Variants in LRRC3B observed in about 807,000 individuals in gnomAD.
The protein encoded by LRRC3B is leucine rich repeat containing 3B, also known as leucine-rich repeat-containing protein 3B.
LRRC3B carries 2 observed loss-of-function variants against 12.8 expected under a neutral mutation model. The ratio of observed to expected loss-of-function variants is 0.16; its 90% CI spans 0.06 to 0.49. LRRC3B has a LOEUF of 0.49. Ranked by LOEUF, LRRC3B falls within the 20% of genes least tolerant of loss-of-function variation. The pLI is 0.96. For missense variants in LRRC3B, 189 were observed against 319.4 expected, an observed-to-expected ratio of 0.59 and a Z score of 3.11; for synonymous variants, 132 against 122.0, an observed-to-expected ratio of 1.08 and a Z score of -0.54.
chr3:26,681,242 G>A (rs1559365081), intron 1 of LRRC3B, among the ~76,000 whole-genome samples: 1 of 152,140 alleles, frequency 6.6e-6, no homozygotes, highest in Non-Finnish European at 1.5e-5. Flanking sequence ...TTGTATTAAT[G>A]AACATAATTA....
chr3:26,657,813 A>G (rs961636038), intron 1 of LRRC3B, among the ~76,000 whole-genome samples: 1 of 152,142 alleles, frequency 6.6e-6, no homozygotes, highest in African/African-American at 2.4e-5. Context: ...CTATGAATCG[A>G]CGGGCATAGC....
intron 1 of LRRC3B, among the ~76,000 whole-genome samples, chr3:26,636,085 A>G (rs1215369039): frequency 6.6e-6 from 1 of 152,142 alleles, no homozygotes; most frequent in Non-Finnish European, 1.5e-5. Flanking sequence ...ATGCTTTCCT[A>G]TTTACCCAGG....
At chr3:26,696,269 C>A (rs1430061507) in intron 1 of LRRC3B, among the ~76,000 whole-genome samples, 1 of 152,004 alleles carries the variant, frequency 6.6e-6, no homozygotes, top group Non-Finnish European at 1.5e-5. Flanking sequence ...ACATATAAGG[C>A]CTGGAAGAAC....
intron 1 of LRRC3B, among the ~76,000 whole-genome samples, chr3:26,685,725 C>A (rs930919663): frequency 4.0e-5 from 6 of 150,950 alleles, no homozygotes; most frequent in Admixed American, 2.6e-4. Context: ...ATTTCATATA[C>A]AATAATTCAG....
chr3:26,679,366 A>C (rs367838087), intron 1 of LRRC3B, among the ~76,000 whole-genome samples: 1 of 152,200 alleles, frequency 6.6e-6, no homozygotes, highest in African/African-American at 2.4e-5. Flanking sequence ...GGTCTCCCTG[A>C]TGGCCTCACC....
chr3:26,682,793 T>C (rs1454848811), intron 1 of LRRC3B, among the ~76,000 whole-genome samples: 1 of 152,238 alleles, frequency 6.6e-6, no homozygotes, highest in Non-Finnish European at 1.5e-5. Context: ...CATGTGGCAT[T>C]CAGCTGCAGC....
chr3:26,685,523 C>CTATATATATATATA (rs57407254), intron 1 of LRRC3B, among the ~76,000 whole-genome samples: 3 of 38,320 alleles, frequency 7.8e-5, no homozygotes, highest in East Asian at 1.0e-3. Context: ...CTCTCTCTCT[C>CTATATATATATATA]TATATATATA....
chr3:26,681,011 T>G (rs1327499580), intron 1 of LRRC3B, among the ~76,000 whole-genome samples: 1 of 152,228 alleles, frequency 6.6e-6, no homozygotes, highest in Non-Finnish European at 1.5e-5. Flanking sequence ...TTTATTTTTG[T>G]CACTTATATA....
chr3:26,698,834 C>T (rs1250402621), intron 1 of LRRC3B, among the ~76,000 whole-genome samples: 3 of 152,134 alleles, frequency 2.0e-5, no homozygotes, highest in Non-Finnish European at 4.4e-5. Flanking sequence ...CTACTCATAT[C>T]AGCATAAATT....
intron 1 of LRRC3B, among the ~76,000 whole-genome samples, chr3:26,636,411 G>A (rs1200026537): frequency 7.9e-5 from 12 of 152,084 alleles, no homozygotes; most frequent in Non-Finnish European, 1.5e-4. Flanking sequence ...ATACTCCATG[G>A]CTTTTGCCAT....
intron 1 of LRRC3B, among the ~76,000 whole-genome samples, chr3:26,669,471 G>A (rs1699675742): frequency 1.3e-5 from 2 of 151,982 alleles, no homozygotes; most frequent in Non-Finnish European, 2.9e-5. Flanking sequence ...CAAAAATATT[G>A]TCTAAATTTA....
chr3:26,665,080 C>A (rs1302728440), intron 1 of LRRC3B, among the ~76,000 whole-genome samples: 1 of 151,784 alleles, frequency 6.6e-6, no homozygotes, highest in African/African-American at 2.4e-5. Flanking sequence ...TACGGTCAGG[C>A]TTTTGGGAGT....
chr3:26,637,991 A>C (rs1410951745), intron 1 of LRRC3B, among the ~76,000 whole-genome samples: 1 of 152,252 alleles, frequency 6.6e-6, no homozygotes, highest in Non-Finnish European at 1.5e-5. Flanking sequence ...AGAATCAAAA[A>C]TTCTCATTTG....
At chr3:26,677,756 A>G (rs142217888) in intron 1 of LRRC3B, among the ~76,000 whole-genome samples, 137 of 152,126 alleles carry the variant, frequency 9.0e-4, no homozygotes, top group African/African-American at 3.1e-3. Flanking sequence ...GATCACCAAT[A>G]TGATAAATAG....
chr3:26,630,048 T>C (rs942309008), intron 1 of LRRC3B, among the ~76,000 whole-genome samples: 4 of 143,556 alleles, frequency 2.8e-5, no homozygotes, highest in Non-Finnish European at 6.1e-5. Flanking sequence ...AGATATCTGA[T>C]AGTAAACCTA....
At chr3:26,632,662 A>G (rs1349620803) in intron 1 of LRRC3B, among the ~76,000 whole-genome samples, 3 of 152,278 alleles carry the variant, frequency 2.0e-5, no homozygotes, top group East Asian at 1.9e-4. Flanking sequence ...GGCAGGATTT[A>G]TAGTAAGTAA....
chr3:26,706,295 AAGG>A (rs1700585369), intron 1 of LRRC3B, among the ~76,000 whole-genome samples: 1 of 152,110 alleles, frequency 6.6e-6, no homozygotes, highest in Admixed American at 6.6e-5. Context: ...AGAATATGTG[AAGG>A]ACCCACATAT....
intron 1 of LRRC3B, chr3:26,625,401 G>T (rs1270259436): frequency 6.6e-6 from 1 of 152,290 alleles, no homozygotes; most frequent in Non-Finnish European, 1.5e-5. Context: ...GCAGAACGGG[G>T]ATTCCCTGTG....
chr3:26,694,049 T>C (rs80305800), intron 1 of LRRC3B, among the ~76,000 whole-genome samples: 1 of 152,332 alleles, frequency 6.6e-6, no homozygotes, highest in East Asian at 1.9e-4. Flanking sequence ...TGTTTCTCTA[T>C]GGTAATATTA....
Sources: gnomAD v4.1 joint callset for allele counts (sites outside exome capture counted in the v4.1 genomes callset) on GRCh38, gnomAD v4.1.1 for gene constraint, MANE v1.5 for transcripts, NCBI Gene and HGNC (gene_info 2026-07-23, HGNC 2026-07-21) for gene names.